Variants in XYLT1 observed in about 807,000 individuals in gnomAD.
The protein encoded by XYLT1 is beta-D-xylosyltransferase 1.
In XYLT1, 36 loss-of-function variants were observed where a neutral mutation model predicts 91.3. That is an observed-to-expected ratio of 0.39 (90% CI 0.30 to 0.52). XYLT1 has a LOEUF of 0.52. Ranked by LOEUF, XYLT1 falls within the 20% of genes least tolerant of loss-of-function variation. XYLT1 has a pLI of 0.68. For missense variants in XYLT1, 1,242 were observed against 1,284.5 expected (o/e 0.97, Z 0.51); for synonymous variants, 588 against 532.0 (o/e 1.11, Z -1.45).
At chr16:17,465,038 G>A (rs1419312125) in intron 1 of XYLT1, among the ~76,000 whole-genome samples, 4 of 150,640 alleles carry the variant, frequency 2.7e-5, no homozygotes, top group Non-Finnish European at 5.9e-5. Context: ...CAGCTACTCA[G>A]GAGGCTGAGG....
intron 6 of XYLT1, among the ~76,000 whole-genome samples, chr16:17,146,854 A>T (rs920353044): frequency 1.3e-5 from 2 of 152,190 alleles, no homozygotes; most frequent in African/African-American, 4.8e-5. Flanking sequence ...GACTCAACAC[A>T]AGGGTAGAAC....
intron 1 of XYLT1, among the ~76,000 whole-genome samples, chr16:17,424,867 CAAAAAAAAA>C (rs57342754): frequency 1.3e-5 from 1 of 76,158 alleles, no homozygotes; most frequent in African/African-American, 5.0e-5. Context: ...GACTCCATCT[CAAAAAAAAA>C]AAAAAAAAAA....
intron 9 of XYLT1, among the ~76,000 whole-genome samples, chr16:17,130,869 A>G (rs1331375087): frequency 1.3e-5 from 1 of 76,012 alleles, no homozygotes; most frequent in Non-Finnish European, 2.6e-5. Context: ...ACAAAGCCCT[A>G]CCGCTTTCTC....
At chr16:17,377,177 A>ACACACACACACACACACACACCCCCC (rs2035613630) in intron 1 of XYLT1, among the ~76,000 whole-genome samples, 1 of 151,934 alleles carries the variant, frequency 6.6e-6, no homozygotes, top group African/African-American at 2.4e-5. Context: ...ACTCTGCCTC[A>ACACACACACACACACACACACCCCCC]CACACACACA....
At chr16:17,159,800 G>A (rs773824007) in intron 5 of XYLT1, among the ~76,000 whole-genome samples, 5 of 152,196 alleles carry the variant, frequency 3.3e-5, no homozygotes, top group African/African-American at 9.7e-5. Flanking sequence ...CAGCTAATCC[G>A]CTTGCGCATA....
At chr16:17,123,887 G>A (rs1316676819) in intron 10 of XYLT1, among the ~76,000 whole-genome samples, 1 of 152,142 alleles carries the variant, frequency 6.6e-6, no homozygotes, top group Non-Finnish European at 1.5e-5. Context: ...ATTATATAAT[G>A]TCCCTCTTTG....
intron 10 of XYLT1, among the ~76,000 whole-genome samples, chr16:17,119,467 G>A (rs879348057): frequency 3.0e-4 from 46 of 152,216 alleles, no homozygotes; most frequent in Admixed American, 1.7e-3. Flanking sequence ...GTGTGTGCAC[G>A]AAGGTCGGGT....
chr16:17,317,506 G>A (rs900104308), intron 2 of XYLT1, among the ~76,000 whole-genome samples: 1 of 150,958 alleles, frequency 6.6e-6, no homozygotes, highest in African/African-American at 2.4e-5. Flanking sequence ...GGTAGCATGT[G>A]TCTGTCCCAG....
At chr16:17,140,041 A>C (rs974975140) in intron 7 of XYLT1, among the ~76,000 whole-genome samples, 8 of 152,190 alleles carry the variant, frequency 5.3e-5, no homozygotes, top group Admixed American at 4.6e-4. Flanking sequence ...AAACGGAACC[A>C]GCTCTGCACT....
At chr16:17,382,427 G>A (rs369916313) in intron 1 of XYLT1, among the ~76,000 whole-genome samples, 38 of 151,888 alleles carry the variant, frequency 2.5e-4, no homozygotes, top group Admixed American at 7.3e-4. Flanking sequence ...AAATGTGGCT[G>A]TTACAAATGT....
intron 1 of XYLT1, among the ~76,000 whole-genome samples, chr16:17,358,883 G>C (rs1250479317): frequency 1.3e-5 from 2 of 152,126 alleles, no homozygotes; most frequent in Non-Finnish European, 2.9e-5. Context: ...TCCATGGTCT[G>C]GGGAAGGTCT....
intron 2 of XYLT1, among the ~76,000 whole-genome samples, chr16:17,303,118 T>C (rs2034421628): frequency 6.6e-6 from 1 of 152,186 alleles, no homozygotes; most frequent in Non-Finnish European, 1.5e-5. Context: ...ATTCAAGAAC[T>C]ACCATGTGCA....
intron 1 of XYLT1, among the ~76,000 whole-genome samples, chr16:17,377,856 A>T (rs1380251249): frequency 6.6e-6 from 1 of 152,232 alleles, no homozygotes; most frequent in Admixed American, 6.5e-5. Context: ...CAGAACAAGC[A>T]AAAGAATTTC....
intron 5 of XYLT1, among the ~76,000 whole-genome samples, chr16:17,189,315 G>T (rs902215772): frequency 6.6e-6 from 1 of 152,188 alleles, no homozygotes; most frequent in African/African-American, 2.4e-5. Flanking sequence ...GAGGTCCAGG[G>T]GCTAGCATGG....
intron 1 of XYLT1, among the ~76,000 whole-genome samples, chr16:17,387,052 C>A (rs1183554793): frequency 6.6e-6 from 1 of 152,142 alleles, no homozygotes; most frequent in Non-Finnish European, 1.5e-5. Context: ...CAAGAGACAC[C>A]TTTGAGGGAG....
intron 1 of XYLT1, among the ~76,000 whole-genome samples, chr16:17,400,844 C>G (rs143332097): frequency 3.9e-5 from 6 of 152,002 alleles, no homozygotes; most frequent in African/African-American, 1.4e-4. Flanking sequence ...GAAGGACAAA[C>G]GGGAATCAAC....
chr16:17,450,483 G>A (rs1300599912), intron 1 of XYLT1, among the ~76,000 whole-genome samples: 1 of 152,198 alleles, frequency 6.6e-6, no homozygotes, highest in Non-Finnish European at 1.5e-5. Flanking sequence ...ACATGGAAGT[G>A]GGAAAGGACA....
chr16:17,139,713 A>C (rs754374801), intron 7 of XYLT1, among the ~76,000 whole-genome samples: 184 of 152,340 alleles, frequency 1.2e-3, no homozygotes, highest in African/African-American at 4.3e-3. Flanking sequence ...GTGTCCTTTC[A>C]TAATGATACA....
intron 2 of XYLT1, among the ~76,000 whole-genome samples, chr16:17,260,673 A>G (rs1238509732): frequency 6.6e-6 from 1 of 152,224 alleles, no homozygotes; most frequent in Non-Finnish European, 1.5e-5. Flanking sequence ...TGTGTTTTTT[A>G]TAAATAAAGT....
Sources: allele counts gnomAD v4.1 joint callset (sites outside exome capture counted in the v4.1 genomes callset), GRCh38; gene constraint gnomAD v4.1.1; transcripts MANE v1.5; gene names NCBI Gene and HGNC (gene_info 2026-07-23, HGNC 2026-07-21).